The following SLC35F1 variants were observed in gnomAD, a reference collection of about 807,000 sequenced individuals.
SLC35F1 encodes chromosome 6 open reading frame 169.
In SLC35F1, 14 loss-of-function variants were observed where a neutral mutation model predicts 48.7. The ratio of observed to expected loss-of-function variants is 0.29; its 90% confidence interval spans 0.19 to 0.45. SLC35F1 has a LOEUF of 0.45. Among genes scored for constraint, SLC35F1 ranks in the 20% least tolerant of loss-of-function variants. The pLI is 1.00. For synonymous variants in SLC35F1, 190 were observed against 202.2 expected, an observed-to-expected ratio of 0.94 and a Z score of 0.51; for missense variants, 404 against 500.0, an observed-to-expected ratio of 0.81 and a Z score of 1.83.
chr6:118,236,475 TC>T (rs1382595863), intron 3 of SLC35F1, among the ~76,000 whole-genome samples: 113 of 152,298 alleles, frequency 7.4e-4, no homozygotes, highest in African/African-American at 2.6e-3. Context: ...CTTCCTGCCA[TC>T]TTGTCTATTT....
intron 1 of SLC35F1, among the ~76,000 whole-genome samples, chr6:117,983,259 C>G (rs538123468): frequency 1.3e-5 from 2 of 152,236 alleles, no homozygotes; most frequent in South Asian, 2.1e-4. Context: ...AAGCACACAC[C>G]TTTGGACAAG....
chr6:118,310,570 TC>T (rs1250632647), intron 7 of SLC35F1, among the ~76,000 whole-genome samples: 1 of 152,160 alleles, frequency 6.6e-6, no homozygotes, highest in Admixed American at 6.5e-5. Context: ...TCAGCATTTA[TC>T]CTGATTAATC....
intron 1 of SLC35F1, among the ~76,000 whole-genome samples, chr6:118,118,110 T>C (rs971836448): frequency 6.6e-6 from 1 of 152,166 alleles, no homozygotes; most frequent in African/African-American, 2.4e-5. Flanking sequence ...CATGGAAATT[T>C]GTGACTCACT....
chr6:118,297,543 T>C (rs1776201340), intron 7 of SLC35F1, among the ~76,000 whole-genome samples: 1 of 150,928 alleles, frequency 6.6e-6, no homozygotes, highest in African/African-American at 2.4e-5. Context: ...CATTCCTAAG[T>C]CTTTACTTCT....
At chr6:118,169,933 C>G (rs1774376931) in intron 2 of SLC35F1, among the ~76,000 whole-genome samples, 1 of 152,080 alleles carries the variant, frequency 6.6e-6, no homozygotes, top group African/African-American at 2.4e-5. Context: ...GTTGCTATAC[C>G]TGCTTTCTAA....
Position 118,154,297 on chromosome 6 carries a change from C to G in SLC35F1, c.174-148C>G, listed in dbSNP as rs900889474. On this transcript the variant is annotated intron_variant, in intron 1 of 7. Coordinates refer to ENST00000360388, the MANE Select transcript of SLC35F1 (RefSeq NM_001029858.4). Reference sequence around the variant, plus strand: ...ATCTCAGTAATCATTGCACCTTCCTCGAGGGATTGCTTTGATGGACTAAAG... The same window carrying G: ...ATCTCAGTAATCATTGCACCTTCCTGGAGGGATTGCTTTGATGGACTAAAG... 7.8e-6 allele frequency: 5 copies of G among 640,096 alleles called. No individual in the cohort carries two copies. In the African/African-American group the frequency reaches 9.3e-5, roughly 12 times the overall value. 39.7% of individuals were successfully genotyped at this position (640,096 alleles called of 1,614,324 possible). A position where few individuals can be genotyped will look rare whatever the true frequency, so the allele number is the denominator to read the frequency against.
At chr6:118,085,205 C>T (rs1183992203) in intron 1 of SLC35F1, among the ~76,000 whole-genome samples, 1 of 152,110 alleles carries the variant, frequency 6.6e-6, no homozygotes, top group Non-Finnish European at 1.5e-5. Flanking sequence ...GGAATTGGTT[C>T]CCCCTTGGAG....
At chr6:118,275,639 T>C (rs771267422) in intron 5 of SLC35F1, 24 bp downstream of exon 5, 9 of 1,609,176 alleles carry the variant, frequency 5.6e-6, no homozygotes, top group Non-Finnish European at 6.0e-6. Flanking sequence ...ACAAGAAATA[T>C]AGATAGTAGA....
intron 6 of SLC35F1, among the ~76,000 whole-genome samples, chr6:118,283,907 A>G (rs1371545797): frequency 6.6e-6 from 1 of 152,214 alleles, no homozygotes; most frequent in Admixed American, 6.5e-5. Flanking sequence ...GATAGAATCT[A>G]CACGTAGGAC....
chr6:118,070,177 A>G (rs961556612), intron 1 of SLC35F1, among the ~76,000 whole-genome samples: 18 of 148,794 alleles, frequency 1.2e-4, no homozygotes, highest in African/African-American at 4.4e-4. Flanking sequence ...TGTTCATTTA[A>G]TTAAAGATAA....
intron 2 of SLC35F1, among the ~76,000 whole-genome samples, chr6:118,159,065 A>C (rs193013809): frequency 0.02 from 2,997 of 151,692 alleles, 115 homozygotes; most frequent in African/African-American, 0.069. Flanking sequence ...CTAAAAATAC[A>C]AAAAAATTAG....
In SLC35F1 at chr6:118,239,301, G is replaced by A. The variant is rs188986961; in HGVS notation, c.477+3665G>A. On this transcript the variant is annotated intron_variant, in intron 3 of 7. Transcript: ENST00000360388. The stretch of plus-strand genomic sequence containing the variant: ...GTATACATTGATTTCCAGTATTTTG[G>A]TGCACAGGAGCTCCCAGTGGTCCTT... 2.0e-5 allele frequency among the ~76,000 whole-genome samples: 3 copies of A among 150,268 alleles called. No homozygotes were observed. The East Asian group carries it at 5.9e-4, about 29-fold the overall frequency.
intron 1 of SLC35F1, among the ~76,000 whole-genome samples, chr6:117,950,337 G>A (rs1280472350): frequency 6.6e-6 from 1 of 152,112 alleles, no homozygotes; most frequent in Admixed American, 6.6e-5. Context: ...ATCCCAGAAT[G>A]CATACTACTA....
chr6:118,278,652 T>TACAGAATTGTGATACAG (rs1187916607), intron 6 of SLC35F1, among the ~76,000 whole-genome samples: 2 of 152,150 alleles, frequency 1.3e-5, no homozygotes, highest in African/African-American at 2.4e-5. Flanking sequence ...CAGAATTATA[T>TACAGAATTGTGATACAG]AATTAAATGA....
chr6:118,111,465 A>G lies in SLC35F1; in HGVS notation c.174-42980A>G, dbSNP rs530716722. ...GTATTTAAAAGTGTTGAAAGAGAAA[A>G]ACTCCACCAACCTAAAATTCTATAT... On this transcript the variant is annotated intron_variant, in intron 1 of 7. Coordinates refer to ENST00000360388, the MANE Select transcript of SLC35F1 (RefSeq NM_001029858.4). 8.5e-5 allele frequency among the ~76,000 whole-genome samples: 13 copies of G among 152,264 alleles called. No individual in the cohort carries two copies. In the South Asian group the frequency reaches 2.5e-3, roughly 29 times the overall value.
chr6:118,114,538 T>G (rs1773451034), intron 1 of SLC35F1, among the ~76,000 whole-genome samples: 1 of 143,024 alleles, frequency 7.0e-6, no homozygotes, highest in East Asian at 2.2e-4. Context: ...CACGCCCAGC[T>G]ATTTTTTTTT....
At chr6:118,286,701 T>G (rs1776053028) in intron 7 of SLC35F1, among the ~76,000 whole-genome samples, 1 of 152,320 alleles carries the variant, frequency 6.6e-6, no homozygotes, top group East Asian at 1.9e-4. Context: ...GATTTTTGGA[T>G]GTATGTATAC....
At chr6:118,172,367 A>G (rs1774418922) in intron 2 of SLC35F1, among the ~76,000 whole-genome samples, 1 of 152,038 alleles carries the variant, frequency 6.6e-6, no homozygotes, top group African/African-American at 2.4e-5. Context: ...TTTTTCTATA[A>G]CCTAATGTCA....
chr6:118,048,538 C>A (rs1772334769), intron 1 of SLC35F1, among the ~76,000 whole-genome samples: 1 of 152,126 alleles, frequency 6.6e-6, no homozygotes, highest in South Asian at 2.1e-4. Context: ...AATCAATGTA[C>A]AAAAATCACA....
Sources: gnomAD v4.1 joint callset for allele counts (sites outside exome capture counted in the v4.1 genomes callset) on GRCh38, gnomAD v4.1.1 for gene constraint, MANE v1.5 for transcripts, NCBI Gene and HGNC (gene_info 2026-07-23, HGNC 2026-07-21) for gene names.